Variants in GHR observed in about 807,000 individuals in gnomAD.
GHR encodes the protein growth hormone receptor, also known as GH receptor.
Under a neutral mutation model 67.1 loss-of-function variants are expected in GHR, and 35 were observed. The observed-to-expected ratio is 0.52, with a 90% CI of 0.40 to 0.69. The LOEUF is 0.69. GHR is among the 30% of genes least tolerant of loss of function. The probability of loss-of-function intolerance (pLI) is 0.00; values close to 1 mark genes in which losing one functional copy is unlikely to be tolerated. For synonymous variants in GHR, 272 were observed against 269.1 expected, an observed-to-expected ratio of 1.01 and a Z score of -0.10; for missense variants, 792 against 764.6, an observed-to-expected ratio of 1.04 and a Z score of -0.42.
intron 1 of GHR, among the ~76,000 whole-genome samples, chr5:42,427,687 C>T (rs951766122): frequency 1.3e-5 from 2 of 152,152 alleles, no homozygotes; most frequent in Non-Finnish European, 1.5e-5. Flanking sequence ...CAAAGTCTCA[C>T]CTGAACCAAG....
chr5:42,532,694 TG>T (rs768416014), intron 1 of GHR, among the ~76,000 whole-genome samples: 7 of 152,200 alleles, frequency 4.6e-5, no homozygotes, highest in Non-Finnish European at 1.0e-4. Flanking sequence ...ACTGTAAGTG[TG>T]GAATGTATTC....
intron 3 of GHR, among the ~76,000 whole-genome samples, chr5:42,640,203 A>G (rs1424982202): frequency 1.3e-5 from 2 of 152,126 alleles, no homozygotes; most frequent in African/African-American, 2.4e-5. Flanking sequence ...ACTGGTTTCA[A>G]TTGGTCCCAC....
chr5:42,603,573 C>T (rs1289315546), intron 2 of GHR, among the ~76,000 whole-genome samples: 2 of 152,076 alleles, frequency 1.3e-5, no homozygotes, highest in African/African-American at 4.8e-5. Flanking sequence ...GGATAATCAT[C>T]AATAATCTGT....
rs1299395786 is a variant in GHR at position 42,576,113 on chromosome 5, T to TAAA, written c.70+10171_70+10173dup. Reference sequence around the variant, plus strand: ...ATAAAATAAAATAAATAAAATAAAATAAAATAAAATAAAATAAAATAAAAT... The same window carrying TAAA: ...ATAAAATAAAATAAATAAAATAAAATAAAAAAATAAAATAAAATAAAATAAAAT... On this transcript the variant is annotated intron_variant, in intron 2 of 9. Coordinates refer to ENST00000230882, the MANE Select transcript of GHR (RefSeq NM_000163.5). Among the ~76,000 whole-genome samples the TAAA allele has an allele frequency of 4.6e-4, 37 of 81,204 alleles. 2 individuals carry two copies. Among genetic ancestry groups the TAAA allele is most frequent in the African/African-American group, 2.1e-3 (35 of 16,878 alleles). The allele number at this position is 81,204 out of a possible 152,430, so 53.3% of individuals were successfully genotyped here.
intron 4 of GHR, among the ~76,000 whole-genome samples, chr5:42,692,184 C>T (rs944060547): frequency 2.6e-5 from 4 of 151,834 alleles, no homozygotes; most frequent in African/African-American, 7.3e-5. Context: ...CAAAAACGTG[C>T]GCTTTCTGTC....
At chr5:42,714,664 T>C (rs1758635322) in intron 8 of GHR, among the ~76,000 whole-genome samples, 1 of 152,196 alleles carries the variant, frequency 6.6e-6, no homozygotes, top group Admixed American at 6.5e-5. Flanking sequence ...CATTCTGAAT[T>C]CCATTTTGCA....
chr5:42,468,320 T>G, intron 1 of GHR: 1 of 1,563,582 alleles, frequency 6.4e-7, no homozygotes, highest in Non-Finnish European at 8.8e-7. Flanking sequence ...AATTCTGCAG[T>G]CATCTTCTCT....
chr5:42,523,757 T>C (rs1225324121), intron 1 of GHR, among the ~76,000 whole-genome samples: 1 of 152,140 alleles, frequency 6.6e-6, no homozygotes, highest in African/African-American at 2.4e-5. Context: ...TCAACTTGAA[T>C]TGTATTTCCC....
intron 6 of GHR, among the ~76,000 whole-genome samples, chr5:42,706,300 G>C (rs188739234): frequency 1.7e-4 from 26 of 152,150 alleles, no homozygotes; most frequent in Admixed American, 3.9e-4. Context: ...TTAGACATTT[G>C]TCAGATGTAT....
intron 1 of GHR, among the ~76,000 whole-genome samples, chr5:42,428,892 C>G (rs538694868): frequency 4.6e-5 from 7 of 152,290 alleles, no homozygotes; most frequent in African/African-American, 1.7e-4. Context: ...TTTCTGAGCC[C>G]TCCAAGTCTC....
chr5:42,630,002 A>G (rs997113151), intron 3 of GHR, among the ~76,000 whole-genome samples: 1 of 131,588 alleles, frequency 7.6e-6, no homozygotes, highest in African/African-American at 3.2e-5. Flanking sequence ...TTCAACCACA[A>G]GACAGAACCC....
intron 2 of GHR, among the ~76,000 whole-genome samples, chr5:42,575,762 G>A (rs1320191154): frequency 2.0e-5 from 3 of 151,040 alleles, no homozygotes; most frequent in African/African-American, 4.9e-5. Context: ...GGGGCTGGGC[G>A]CGATGGCTCA....
intron 1 of GHR, among the ~76,000 whole-genome samples, chr5:42,538,153 C>T (rs1748344183): frequency 6.6e-6 from 1 of 152,220 alleles, no homozygotes; most frequent in Admixed American, 6.5e-5. Context: ...AGGGCATTTA[C>T]ATTCAATGTC....
intron 2 of GHR, among the ~76,000 whole-genome samples, chr5:42,590,346 G>A (rs1355378685): frequency 2.6e-5 from 4 of 152,178 alleles, no homozygotes; most frequent in Non-Finnish European, 5.9e-5. Context: ...ATTAAAATCA[G>A]GAGGGAAGGA....
At chr5:42,701,911 T>G (rs2111753007) in intron 6 of GHR, among the ~76,000 whole-genome samples, 1 of 152,310 alleles carries the variant, frequency 6.6e-6, no homozygotes. Flanking sequence ...TTCAAAGTAC[T>G]AGATAGAATC....
At chr5:42,707,467 C>A (rs941725365) in intron 6 of GHR, among the ~76,000 whole-genome samples, 1 of 151,774 alleles carries the variant, frequency 6.6e-6, no homozygotes, top group African/African-American at 2.4e-5. Context: ...ATGAATTTTA[C>A]AATTGTTTTT....
intron 1 of GHR, among the ~76,000 whole-genome samples, chr5:42,563,553 G>T (rs1455060061): frequency 6.8e-6 from 1 of 147,188 alleles, no homozygotes; most frequent in Non-Finnish European, 1.5e-5. Flanking sequence ...GGGAAGCGGA[G>T]CTTGCAGTGA....
chr5:42,649,042 G>A (rs1374864890), intron 3 of GHR, among the ~76,000 whole-genome samples: 1 of 152,086 alleles, frequency 6.6e-6, no homozygotes, highest in East Asian at 1.9e-4. Flanking sequence ...TTGAAAAATG[G>A]AACTCAAATG....
chr5:42,445,371 T>C (rs1196693482), intron 1 of GHR, among the ~76,000 whole-genome samples: 2 of 152,094 alleles, frequency 1.3e-5, no homozygotes, highest in African/African-American at 4.8e-5. Context: ...CAATCACGAG[T>C]CAGATTTATT....
Sources: gnomAD v4.1 joint callset for allele counts (sites outside exome capture counted in the v4.1 genomes callset) on GRCh38, gnomAD v4.1.1 for gene constraint, MANE v1.5 for transcripts, NCBI Gene and HGNC (gene_info 2026-07-23, HGNC 2026-07-21) for gene names.